C8orf89: variants seen among roughly 807,000 people sequenced by gnomAD.
The protein encoded by C8orf89 is putative uncharacterized protein C8orf89.
Under a neutral mutation model 15.8 loss-of-function variants are expected in C8orf89, and 14 were observed. The ratio of observed to expected loss-of-function variants is 0.89; its 90% confidence interval spans 0.59 to 1.39. The LOEUF is 1.39. C8orf89 is among the 40% of genes most tolerant of loss of function. The pLI is 0.00. For missense variants in C8orf89, 181 were observed against 184.5 expected (o/e 0.98, Z 0.11); for synonymous variants, 55 against 62.2 (o/e 0.88, Z 0.54).
chr8:73,278,507 T>C, the C8orf89 span, among the ~76,000 whole-genome samples: 1 of 152,150 alleles, frequency 6.6e-6, no homozygotes, highest in Admixed American at 6.5e-5. Flanking sequence ...GGCAGGCCCC[T>C]GGAAGTAAAA....
chr8:73,282,320 A>C, the C8orf89 span, among the ~76,000 whole-genome samples: 1 of 152,242 alleles, frequency 6.6e-6, no homozygotes, highest in Admixed American at 6.5e-5. Context: ...AATCCTTAGG[A>C]GATATATAAA....
chr8:73,248,485 T>C (rs1269124347), intron 3 of C8orf89, among the ~76,000 whole-genome samples: 1 of 152,210 alleles, frequency 6.6e-6, no homozygotes, highest in African/African-American at 2.4e-5. Flanking sequence ...AGAATGTCAT[T>C]GGTAGTTTAA....
At chr8:73,254,594 T>C (rs1038548454) in intron 2 of C8orf89, among the ~76,000 whole-genome samples, 2 of 152,150 alleles carry the variant, frequency 1.3e-5, no homozygotes, top group Non-Finnish European at 2.9e-5. Context: ...GGACGCCTCA[T>C]GCCTGGTCAT....
chr8:73,253,067 C>T (rs1002658012), intron 2 of C8orf89, among the ~76,000 whole-genome samples: 2 of 152,156 alleles, frequency 1.3e-5, no homozygotes, highest in Non-Finnish European at 2.9e-5. Flanking sequence ...TGCTTGAACC[C>T]GGGAGGCGGA....
At chr8:73,264,445 G>T (rs546751526), upstream of C8orf89, among the ~76,000 whole-genome samples, 2 of 152,230 alleles carry the variant, frequency 1.3e-5, no homozygotes, top group South Asian at 4.1e-4. Flanking sequence ...GTCATGAGGG[G>T]CAAGAAGCGC....
At chr8:73,267,288 A>C in the C8orf89 span, among the ~76,000 whole-genome samples, 10 of 152,360 alleles carry the variant, frequency 6.6e-5, no homozygotes, top group South Asian at 2.1e-3. Flanking sequence ...ATAACAATGT[A>C]CTATAATAAA....
chr8:73,255,835 C>G (rs1212283548), intron 2 of C8orf89, among the ~76,000 whole-genome samples: 60 of 151,490 alleles, frequency 4.0e-4, no homozygotes, highest in Non-Finnish European at 8.8e-5. Flanking sequence ...TGGAAATCAT[C>G]ATTCTCAGTA....
chr8:73,249,085 A>G (rs1271754186), intron 3 of C8orf89, among the ~76,000 whole-genome samples: 2 of 152,084 alleles, frequency 1.3e-5, no homozygotes, highest in Admixed American at 1.3e-4. Flanking sequence ...TTATTATTTT[A>G]TGGTATGTCC....
chr8:73,283,165 G>C, the C8orf89 span, among the ~76,000 whole-genome samples: 1 of 152,196 alleles, frequency 6.6e-6, no homozygotes, highest in Non-Finnish European at 1.5e-5. Flanking sequence ...GCAGGAAGAA[G>C]AAAAGGCAGA....
intron 3 of C8orf89, among the ~76,000 whole-genome samples, chr8:73,247,338 AC>A (rs1813150159): frequency 6.6e-6 from 1 of 152,160 alleles, no homozygotes; most frequent in Non-Finnish European, 1.5e-5. Flanking sequence ...TATCCAGTCT[AC>A]CATTGATGGG....
At chr8:73,260,236 A>T (rs1813497044), upstream of C8orf89, among the ~76,000 whole-genome samples, 1 of 152,210 alleles carries the variant, frequency 6.6e-6, no homozygotes, top group Non-Finnish European at 1.5e-5. Flanking sequence ...AGAAATACGG[A>T]TGAGAAAATG....
the C8orf89 span, among the ~76,000 whole-genome samples, chr8:73,271,182 T>C: frequency 6.6e-6 from 1 of 152,340 alleles, no homozygotes; most frequent in East Asian, 1.9e-4. Context: ...AGAGTCATTG[T>C]GAAGTTTAAA....
chr8:73,279,001 A>C, the C8orf89 span, among the ~76,000 whole-genome samples: 1 of 152,180 alleles, frequency 6.6e-6, no homozygotes, highest in Non-Finnish European at 1.5e-5. Flanking sequence ...TTGTTGTACC[A>C]AACTGTCCTA....
chr8:73,262,336 T>A (rs1337476203), upstream of C8orf89, among the ~76,000 whole-genome samples: 1 of 152,076 alleles, frequency 6.6e-6, no homozygotes, highest in Admixed American at 6.5e-5. Flanking sequence ...TTCTGAACAT[T>A]CCAGACCAAG....
chr8:73,253,097 C>G (rs1224173648), intron 2 of C8orf89, among the ~76,000 whole-genome samples: 2 of 152,172 alleles, frequency 1.3e-5, no homozygotes, highest in African/African-American at 4.8e-5. Context: ...GAGCCAAGAT[C>G]GCGCCACTGC....
the C8orf89 span, among the ~76,000 whole-genome samples, chr8:73,278,875 A>G: frequency 2.6e-5 from 4 of 152,068 alleles, no homozygotes; most frequent in East Asian, 7.7e-4. Flanking sequence ...AACTCCCCCT[A>G]TTTTCTATAC....
the C8orf89 span, among the ~76,000 whole-genome samples, chr8:73,268,063 C>A: frequency 6.6e-6 from 1 of 152,198 alleles, no homozygotes; most frequent in Non-Finnish European, 1.5e-5. Context: ...ATACAATCAG[C>A]AAAATCAGAC....
At chr8:73,258,965 A>C (rs1813468440) in intron 1 of C8orf89, among the ~76,000 whole-genome samples, 1 of 152,186 alleles carries the variant, frequency 6.6e-6, no homozygotes, top group African/African-American at 2.4e-5. Flanking sequence ...AGCACTGTTA[A>C]AGATTTGGAT....
At chr8:73,281,792 T>A in the C8orf89 span, among the ~76,000 whole-genome samples, 2 of 152,206 alleles carry the variant, frequency 1.3e-5, no homozygotes, top group Non-Finnish European at 2.9e-5. Context: ...TAGCGTTTGT[T>A]CTAGGAAGTG....
Sources: gnomAD v4.1 joint callset for allele counts (sites outside exome capture counted in the v4.1 genomes callset) on GRCh38, gnomAD v4.1.1 for gene constraint, MANE v1.5 for transcripts, NCBI Gene and HGNC (gene_info 2026-07-23, HGNC 2026-07-21) for gene names.